Variants in MAN2B1 observed in about 807,000 individuals in gnomAD.
The protein encoded by MAN2B1 is mannosidase alpha class 2B member 1.
In MAN2B1, 99 loss-of-function variants were observed where a neutral mutation model predicts 127.5. The observed-to-expected ratio is 0.78, with a 90% confidence interval of 0.66 to 0.92. The LOEUF (loss-of-function observed/expected upper bound fraction) is 0.92. Among genes scored for constraint, MAN2B1 ranks in the 40% least tolerant of loss-of-function variants. MAN2B1 has a pLI of 0.00. For missense variants in MAN2B1, 1,304 were observed against 1,384.8 expected (o/e 0.94, Z 0.93); for synonymous variants, 573 against 568.8 (o/e 1.01, Z -0.11).
intron 7 of MAN2B1, among the ~76,000 whole-genome samples, chr19:12,659,808 G>A (rs1439134809): frequency 1.6e-5 from 2 of 121,708 alleles, no homozygotes; most frequent in Non-Finnish European, 3.5e-5. Context: ...GACAAAGCAA[G>A]ACTCTTGTCT....
At position 12,657,005 on chromosome 19, in the gene MAN2B1, T is replaced by A; in HGVS notation, c.1471A>T (p.Thr491Ser). 2 of 1,613,546 alleles carry A rather than the reference T, an allele frequency of 1.2e-6. No homozygotes were observed. Among genetic ancestry groups the A allele is most frequent in the Non-Finnish European group, 1.7e-6 (2 of 1,179,986 alleles). The change falls in exon 12 of 24, where the codon ACC becomes TCC. Residue 491 changes from threonine (T) to serine (S), a missense_variant. Transcript: ENST00000456935. ...ARLRGFKDHF[T>S]FCQQLNISIC... The stretch of plus-strand genomic sequence containing the variant: ...CTGATGTTTAGCTGTTGGCAAAAGG[T>A]GAAGTGATCTTTGAAGCCTCTGAGC...
At chr19:12,655,964 A>G (rs1012683096) in intron 13 of MAN2B1, 85 bp from the exon 14 acceptor site, 49 of 1,098,110 alleles carry the variant, frequency 4.5e-5, no homozygotes, top group Non-Finnish European at 6.7e-5. Flanking sequence ...AAGGAAGGAA[A>G]AGAGTCCTGA....
At position 12,657,211 on chromosome 19, in the gene MAN2B1, C is replaced by T. The variant is rs538024688; in HGVS notation, c.1420-155G>A. The T allele has an allele frequency of 8.5e-6, 6 of 709,344 alleles. No individual in the cohort carries two copies. The East Asian group carries it at 1.4e-4, about 16-fold the overall frequency. 43.9% of individuals were successfully genotyped at this position (709,344 alleles called of 1,614,324 possible). A position where few individuals can be genotyped will look rare whatever the true frequency, so the allele number is the denominator to read the frequency against. ...CCCACCCTGCTGCCCTTGACTATAC[C>T]CCATAGCTGTCTCCGCCTCCTCTTG... On this transcript the variant is annotated intron_variant, in intron 11 of 23. Coordinates refer to ENST00000456935, the MANE Select transcript of MAN2B1 (RefSeq NM_000528.4).
At position 12,647,354 on chromosome 19, in the gene MAN2B1, G is replaced by A. The variant is rs1187808331; in HGVS notation, c.2821-19C>T. 9 of 1,611,948 alleles carry A rather than the reference G, an allele frequency of 5.6e-6. No homozygotes were observed. Among genetic ancestry groups the A allele is most frequent in the East Asian group, 4.5e-5 (2 of 44,866 alleles). On this transcript the variant is annotated intron_variant, in intron 22 of 23. Transcript: ENST00000456935. The surrounding 1 kb of genome is among the most constrained non-coding windows in gnomAD (Gnocchi z 4.9). ...ACAGGTCCTGCGGGGAAGGGGATGG[G>A]CCCAGATGAGTTGGGGCAAAGCCAG...
chr19:12,657,133 G>A (rs1179289741), intron 11 of MAN2B1, 77 bp from the exon 12 acceptor site: 7 of 883,100 alleles, frequency 7.9e-6, no homozygotes, highest in East Asian at 2.6e-5. Flanking sequence ...GCCCCGCCCC[G>A]TTCCGGTCTC....
At chr19:12,649,704 G>C (rs960315524) in intron 18 of MAN2B1, among the ~76,000 whole-genome samples, 3 of 151,648 alleles carry the variant, frequency 2.0e-5, no homozygotes, top group Admixed American at 6.6e-5. Flanking sequence ...GGATAGTCTC[G>C]ATCTCCTGAC....
chr19:12,650,357 C>A, intron 16 of MAN2B1, 135 bp from the exon 17 acceptor site: 6 of 493,264 alleles, frequency 1.2e-5, no homozygotes, highest in East Asian at 7.4e-5. Context: ...CCACATAATT[C>A]TTTTTTTTTT....
chr19:12,665,788 C>T lies in MAN2B1; in HGVS notation c.177G>A (p.Gln59=). The T allele has an allele frequency of 6.2e-7, 1 of 1,614,012 alleles. No homozygotes were observed. The highest frequency in any genetic ancestry group is 1.1e-5 in the South Asian group (1 of 91,092). The change falls in exon 2 of 24, where the codon CAG becomes CAA. Residue 59 remains glutamine, a synonymous_variant. Coordinates refer to ENST00000456935, the MANE Select transcript of MAN2B1 (RefSeq NM_000528.4). ...GCAGGTGCACGTTCAGCATGTTCGG[C>T]TGCACTGTGGGGCATGTCTGCACAG... ...AGGYETCPTV[Q]PNMLNVHLLP... is the part of the protein sequence containing the mutation.
Position 12,647,225 on chromosome 19 carries a change from G to T in MAN2B1, c.2923+8C>A. 6.2e-7 allele frequency: 1 copy of T among 1,611,688 alleles called. No homozygotes were observed. Among genetic ancestry groups the T allele is most frequent in the Non-Finnish European group, 8.5e-7 (1 of 1,177,902 alleles). On this transcript the variant is annotated splice_region_variant and intron_variant, in intron 23 of 23. Transcript: ENST00000456935. The surrounding 1 kb of genome is among the most constrained non-coding windows in gnomAD (Gnocchi z 4.9). ...CCACCCCTTCCCTACCCCTGACCAG[G>T]GCCCCACCTGTGTTTGTTGTCCACT...
chr19:12,651,312 C>T (rs1160934069), intron 16 of MAN2B1, among the ~76,000 whole-genome samples: 3 of 152,134 alleles, frequency 2.0e-5, no homozygotes, highest in Non-Finnish European at 4.4e-5. Context: ...CAACAATGTT[C>T]CTTGCCCCTG....
rs201612514 is a variant in MAN2B1, at chr19:12,649,771, T to C, written c.2267+142A>G. 1.1e-5 allele frequency: 8 copies of C among 756,598 alleles called. No individual in the cohort carries two copies. In the East Asian group the frequency reaches 1.3e-4, roughly 12 times the overall value. 46.9% of individuals were successfully genotyped at this position (756,598 alleles called of 1,614,324 possible). ...TGCTGGGATTACAGGCGTGAGCCAC[T>C]GCACCCTGCCTGGCTCCCCCGCCCT... On this transcript the variant is annotated intron_variant, in intron 18 of 23. Coordinates refer to ENST00000456935, the MANE Select transcript of MAN2B1 (RefSeq NM_000528.4).
intron 14 of MAN2B1, among the ~76,000 whole-genome samples, chr19:12,653,445 C>A (rs1246528869): frequency 6.6e-6 from 1 of 151,916 alleles, no homozygotes; most frequent in Non-Finnish European, 1.5e-5. Context: ...ACACGCCTGG[C>A]CCCTTTTTTT....
intron 6 of MAN2B1, 147 bp from the exon 7 acceptor site, chr19:12,661,523 A>T (rs1435475371): frequency 4.2e-6 from 3 of 710,850 alleles, no homozygotes; most frequent in Non-Finnish European, 7.9e-6. Context: ...CACAGATAAA[A>T]GTAGCCACCA....
Position 12,666,622 on chromosome 19 carries a change from G to C in MAN2B1, c.80C>G (p.Ala27Gly). 1 of 1,557,120 alleles carries C rather than the reference G, an allele frequency of 6.4e-7. No individual in the cohort carries two copies. Among genetic ancestry groups the C allele is most frequent in the South Asian group, 1.2e-5 (1 of 84,806 alleles). ...GAGAGGCGGGAGCGGTGGCCGCAGG[G>C]CGCGGGACATGGTCCAGGGGCCTGC... ...DSAGPWTMSRALRPPLPPLCF... is the reference protein window; with the variant it reads ...DSAGPWTMSRGLRPPLPPLCF... The change falls in exon 1 of 24, where the codon GCC becomes GGC. Residue 27 changes from alanine to glycine, a missense_variant. Transcript: ENST00000456935.
At chr19:12,661,471 G>A (rs1388392065) in intron 6 of MAN2B1, 95 bp from the exon 7 acceptor site, 3 of 843,082 alleles carry the variant, frequency 3.6e-6, no homozygotes, top group Non-Finnish European at 6.2e-6. Flanking sequence ...GATGTTGGGT[G>A]CACAGGCATG....
In MAN2B1 at chr19:12,658,456, A is replaced by G; in HGVS notation, c.1081T>C (p.Trp361Arg). 3 of 1,614,206 alleles carry G rather than the reference A, an allele frequency of 1.9e-6. No homozygotes were observed. Among genetic ancestry groups the G allele is most frequent in the Non-Finnish European group, 2.5e-6 (3 of 1,180,036 alleles). ...VLYSTPACYL[W>R]ELNKANLTWS... ...GTGAGGTTGGCCTTGTTCAGCTCCCAGAGGTAACAAGCGGGGGTGGAGTAG... is the reference window on the plus strand; with the variant it reads ...GTGAGGTTGGCCTTGTTCAGCTCCCGGAGGTAACAAGCGGGGGTGGAGTAG... Residue 361 changes from tryptophan to arginine, a missense_variant, in exon 8 of 24, where the codon TGG (tryptophan) becomes CGG (arginine). Physicochemically the swap from Trp to Arg is moderately radical, Grantham distance 101 (BLOSUM62 -3). Transcript: ENST00000456935.
rs864621990 is a variant in MAN2B1 at position 12,647,517 on chromosome 19, G to T, written c.2746C>A (p.Arg916Ser). The change falls in exon 22 of 24, where the codon CGC becomes AGC. Residue 916 changes from arginine (R) to serine (S), a missense_variant. Coordinates refer to ENST00000456935, the MANE Select transcript of MAN2B1 (RefSeq NM_000528.4). The surrounding 1 kb of genome is among the most constrained non-coding windows in gnomAD (Gnocchi z 4.9). ...CCTACGGCAAACTGGTGCTCCAAGCGCAGCAGCACCATTTCGGGGCCCCAG... is the reference window on the plus strand; with the variant it reads ...CCTACGGCAAACTGGTGCTCCAAGCTCAGCAGCACCATTTCGGGGCCCCAG... ...ASWGPEMVLL[R>S]LEHQFAVGED... The T allele has an allele frequency of 6.2e-7, 1 of 1,614,148 alleles. No homozygotes were observed. Among genetic ancestry groups the T allele is most frequent in the Non-Finnish European group, 8.5e-7 (1 of 1,179,964 alleles).
At chr19:12,649,846 T>TCCCCCCCCCCCCCCCGG in intron 18 of MAN2B1, 67 bp downstream of exon 18, 1 of 1,330,396 alleles carries the variant, frequency 7.5e-7, no homozygotes, top group Non-Finnish European at 1.1e-6. Context: ...TCAGCAAATT[T>TCCCCCCCCCCCCCCCGG]CCCTCACCAC....
Position 12,649,850 on chromosome 19 carries a change from T to C in MAN2B1, c.2267+63A>G, listed in dbSNP as rs3815914. 773,185 of 1,240,640 alleles carry C rather than the reference T, an allele frequency of 0.62. 251,185 individuals are homozygous for C. The highest frequency in any genetic ancestry group is 0.7 in the African/African-American group (44,909 of 64,492). The allele number at this position is 1,240,640 out of a possible 1,614,324, so 76.9% of individuals were successfully genotyped here. On this transcript the variant is annotated intron_variant, in intron 18 of 23. Coordinates refer to ENST00000456935, the MANE Select transcript of MAN2B1 (RefSeq NM_000528.4). Reference sequence around the variant, plus strand: ...CACTCATGTAATCAGCAAATTTCCCTCACCACCCCTGGGCCCCAACACACC... The same window carrying C: ...CACTCATGTAATCAGCAAATTTCCCCCACCACCCCTGGGCCCCAACACACC...
Sources: gnomAD v4.1 joint callset for allele counts (sites outside exome capture counted in the v4.1 genomes callset) on GRCh38, gnomAD v4.1.1 for gene constraint, Gnocchi (gnomAD v3.1) non-coding constraint, MANE v1.5 for transcripts, NCBI Gene and HGNC (gene_info 2026-07-23, HGNC 2026-07-21) for gene names.